Variants in PKD1L3 observed in about 807,000 individuals in gnomAD.
The protein encoded by PKD1L3 is polycystin-1-like protein 3.
PKD1L3 carries 239 observed loss-of-function variants against 184.1 expected under a neutral mutation model. That is an observed-to-expected ratio of 1.30 (90% CI 1.17 to 1.45). The LOEUF is 1.45. Among genes scored for constraint, PKD1L3 ranks in the 40% most tolerant of loss-of-function variants. PKD1L3 has a pLI of 0.00. For synonymous variants in PKD1L3, 996 were observed against 778.8 expected (o/e 1.28, Z -4.64); for missense variants, 2,660 against 2,067.2 (o/e 1.29, Z -5.56).
At chr16:71,947,828 G>T (rs752668313) in intron 21 of PKD1L3, among the ~76,000 whole-genome samples, 1 of 152,116 alleles carries the variant, frequency 6.6e-6, no homozygotes, top group African/African-American at 2.4e-5. Flanking sequence ...AATCTGGTTG[G>T]CTGGGGGAGC....
At chr16:71,999,504 C>G (rs556273761) in intron 1 of PKD1L3, among the ~76,000 whole-genome samples, 180 bp downstream of exon 1, 2 of 152,174 alleles carry the variant, frequency 1.3e-5, no homozygotes, top group East Asian at 3.9e-4. Flanking sequence ...TTTTTGCTAA[C>G]AGACAAATCA....
chr16:71,933,632 G>T, intron 27 of PKD1L3, 111 bp from the exon 28 acceptor site: 4 of 805,900 alleles, frequency 5.0e-6, no homozygotes, highest in Non-Finnish European at 8.3e-6. Flanking sequence ...ATTCCTTGTG[G>T]CCAAATTATG....
In PKD1L3 at chr16:71,944,381, G is replaced by C. The variant is rs148968813; in HGVS notation, c.3719-211C>G. Among the ~76,000 whole-genome samples the C allele has an allele frequency of 6.6e-5, 10 of 152,206 alleles. No homozygotes were observed. The East Asian group carries it at 1.7e-3, about 26-fold the overall frequency. On this transcript the variant is annotated intron_variant, in intron 22 of 29. Transcript: ENST00000620267. The stretch of plus-strand genomic sequence containing the variant: ...GGGACTGATACTTTTGTACAATACA[G>C]TAAAAATGAGTTACTAGGCTGAACA...
intron 16 of PKD1L3, among the ~76,000 whole-genome samples, chr16:71,957,045 G>A (rs890890672): frequency 3.9e-5 from 6 of 152,192 alleles, no homozygotes; most frequent in African/African-American, 4.8e-5. Context: ...TTGAAATTAA[G>A]TTGATAGTAA....
Position 71,973,472 on chromosome 16 carries a change from C to T in PKD1L3, c.1805G>A (p.Gly602Glu), listed in dbSNP as rs1197643996. 1.3e-6 allele frequency: 2 copies of T among 1,551,834 alleles called. No homozygotes were observed. Among genetic ancestry groups the T allele is most frequent in the Admixed American group, 3.9e-5 (2 of 50,986 alleles). The change falls in exon 12 of 30, where the codon GGG (glycine) becomes GAG (glutamate). Residue 602 changes from glycine (G) to glutamate (E), a missense_variant. Gly to Glu is a moderately conservative substitution (Grantham distance 98). Coordinates refer to ENST00000620267, the MANE Select transcript of PKD1L3 (RefSeq NM_181536.2). The stretch of plus-strand genomic sequence containing the variant: ...AGCTGTTATATAGTAGGTGCCAATC[C>T]CGTGCTGCAGATGCTCTGGATTCAG... ...WVLNPEHLQH[G>E]IGTYYITAVL... is the part of the protein sequence containing the mutation.
In PKD1L3 at chr16:71,963,281, G is replaced by T; in HGVS notation, c.2536C>A (p.Leu846Met). ...TCACAGTCTCCGAGGTCCACAGCCA[G>T]CCAGCAATTGCACAGGAAATGCCAC... is the stretch of plus-strand genomic sequence containing the variant. ...RKWHFLCNCW[L>M]AVDLGDCELD... Residue 846 changes from leucine to methionine, a missense_variant, in exon 16 of 30, where the codon CTG (leucine) becomes ATG (methionine). Leu to Met is a conservative substitution (Grantham distance 15, BLOSUM62 2). Coordinates refer to ENST00000620267, the MANE Select transcript of PKD1L3 (RefSeq NM_181536.2). 6.4e-7 allele frequency: 1 copy of T among 1,551,520 alleles called. No homozygotes were observed. The highest frequency in any genetic ancestry group is 8.7e-7 in the Non-Finnish European group (1 of 1,146,868).
At chr16:71,952,411 G>A (rs1392498055) in intron 18 of PKD1L3, among the ~76,000 whole-genome samples, 1 of 150,974 alleles carries the variant, frequency 6.6e-6, no homozygotes, top group Non-Finnish European at 1.5e-5. Context: ...AGTAGAGACG[G>A]GGTTTCACCA....
At chr16:71,985,668 C>T (rs755374049) in intron 5 of PKD1L3, among the ~76,000 whole-genome samples, 1 of 152,152 alleles carries the variant, frequency 6.6e-6, no homozygotes, top group African/African-American at 2.4e-5. Context: ...CTCGGGCTTA[C>T]GTGATCCTCC....
intron 16 of PKD1L3, among the ~76,000 whole-genome samples, 158 bp downstream of exon 16, chr16:71,963,047 A>G (rs1198880330): frequency 2.0e-5 from 3 of 152,148 alleles, no homozygotes; most frequent in Admixed American, 2.0e-4. Flanking sequence ...TTTTAAGGTA[A>G]TGGTTACACC....
rs550234993 is a variant in PKD1L3 at position 71,963,248 on chromosome 16, G to A, written c.2569C>T (p.Arg857Trp). The A allele has an allele frequency of 8.8e-5, 137 of 1,550,902 alleles. No individual in the cohort carries two copies. The highest frequency in any genetic ancestry group is 1.0e-4 in the Non-Finnish European group (120 of 1,146,612). ...CTCTTTGAAACTGGGATGAAGACCC[G>A]GTCAAGCTCACAGTCTCCGAGGTCC... ...AVDLGDCELD[R>W]VFIPVSKREL... Residue 857 changes from arginine to tryptophan, a missense_variant, in exon 16 of 30, where the codon CGG becomes TGG. Arg to Trp is a moderately radical substitution (Grantham distance 101). Transcript: ENST00000620267.
chr16:71,937,506 C>T (rs1597281158), intron 24 of PKD1L3, 87 bp from the exon 25 acceptor site: 1 of 1,388,642 alleles, frequency 7.2e-7, no homozygotes, highest in African/African-American at 1.5e-5. Flanking sequence ...AACCCCAACT[C>T]TTCCTGTATC....
intron 3 of PKD1L3, among the ~76,000 whole-genome samples, chr16:71,990,781 G>A (rs1343992906): frequency 6.6e-6 from 1 of 151,780 alleles, no homozygotes; most frequent in Admixed American, 6.6e-5. Context: ...AAGACAAAAG[G>A]GAACCTATGA....
At chr16:71,987,205 G>A (rs1159627397) in intron 4 of PKD1L3, among the ~76,000 whole-genome samples, 14 of 151,782 alleles carry the variant, frequency 9.2e-5, no homozygotes, top group Non-Finnish European at 1.9e-4. Flanking sequence ...TTACAGGCGT[G>A]AGCCACTGCA....
At chr16:71,957,859 A>G (rs578010462) in intron 16 of PKD1L3, among the ~76,000 whole-genome samples, 5 of 152,324 alleles carry the variant, frequency 3.3e-5, no homozygotes, top group African/African-American at 1.2e-4. Flanking sequence ...AAGAATTATT[A>G]CTAGAGCCAA....
At chr16:71,962,402 G>A (rs1597327256) in intron 16 of PKD1L3, among the ~76,000 whole-genome samples, 2 of 152,186 alleles carry the variant, frequency 1.3e-5, no homozygotes, top group East Asian at 1.9e-4. Flanking sequence ...TGGATACCTA[G>A]AAAGATACAG....
chr16:71,977,351 G>T lies in PKD1L3; in HGVS notation c.1644C>A (p.Ser548Arg). 6.5e-7 allele frequency: 1 copy of T among 1,548,488 alleles called. No individual in the cohort carries two copies. ...TTAAAAGGGGACTGTCAGGATCTAT[G>T]CTCACTATCAAGGATTTCTCCAAGG... Reference protein sequence around the residue: ...VTSLEKSLIVSIDPDSPLLMT... With the variant: ...VTSLEKSLIVRIDPDSPLLMT... Residue 548 changes from serine to arginine, a missense_variant, in exon 11 of 30, where the codon AGC (serine) becomes AGA (arginine). By Grantham distance (110) the Ser-to-Arg change is moderately radical (BLOSUM62 -1). Transcript: ENST00000620267.
At position 71,982,200 on chromosome 16, in the gene PKD1L3, C is replaced by T. The variant is rs1292996357; in HGVS notation, c.1002G>A (p.Glu334=). 6.5e-7 allele frequency: 1 copy of T among 1,549,114 alleles called. No homozygotes were observed. The highest frequency in any genetic ancestry group is 2.0e-5 in the Admixed American group (1 of 50,548). Residue 334 remains glutamate (E), a synonymous_variant, in exon 7 of 30, where the codon GAG becomes GAA. Transcript: ENST00000620267. The part of the protein sequence containing the change: ...NLINSLIYLS[E]ELLRIPFQNN... ...TCTGAAATGGGATCCTGAGTAACTC[C>T]TCACTCAGGTAAATAAGGGAATTGA...
At chr16:71,988,090 G>T (rs2040444174) in intron 4 of PKD1L3, among the ~76,000 whole-genome samples, 1 of 150,562 alleles carries the variant, frequency 6.6e-6, no homozygotes, top group African/African-American at 2.4e-5. Flanking sequence ...TGTTTTCACG[G>T]ATCCTTCTGT....
intron 28 of PKD1L3, among the ~76,000 whole-genome samples, chr16:71,931,462 A>AC (rs2037962136): frequency 4.6e-5 from 5 of 108,658 alleles, no homozygotes; most frequent in Non-Finnish European, 9.6e-5. Context: ...CTTCTCCCCC[A>AC]CTTTTTTTTT....
Sources: gnomAD v4.1 joint callset for allele counts (sites outside exome capture counted in the v4.1 genomes callset) on GRCh38, gnomAD v4.1.1 for gene constraint, MANE v1.5 for transcripts, NCBI Gene and HGNC (gene_info 2026-07-23, HGNC 2026-07-21) for gene names.